Variants in CRHR2 observed in about 807,000 individuals in gnomAD.
CRHR2 encodes corticotropin releasing hormone receptor 2.
CRHR2 carries 53 observed loss-of-function variants against 57.9 expected under a neutral mutation model. That is an observed-to-expected ratio of 0.92 (90% CI 0.73 to 1.15). CRHR2 has a LOEUF of 1.15. CRHR2 is among the 50% of genes most tolerant of loss of function. The pLI, the probability that CRHR2 is intolerant of heterozygous loss-of-function variation, is 0.00. For missense variants in CRHR2, 532 were observed against 542.6 expected (o/e 0.98, Z 0.19); for synonymous variants, 213 against 220.9 (o/e 0.96, Z 0.32).
chr7:30,670,524 C>T (rs1269131967), intron 2 of CRHR2, among the ~76,000 whole-genome samples: 2 of 152,222 alleles, frequency 1.3e-5, no homozygotes, highest in African/African-American at 4.8e-5. Context: ...GGGGACTTCC[C>T]TCTCTGGCAG....
chr7:30,660,596 C>T lies in CRHR2; in HGVS notation c.808G>A (p.Gly270Ser). Residue 270 changes from glycine to serine, a missense_variant, in exon 8 of 12, where the codon GGC becomes AGC. Physicochemically the swap from Gly to Ser is moderately conservative, Grantham distance 56. Transcript: ENST00000471646. ...PGDLVDYIYQ[G>S]PIILVLLINF... is the part of the protein sequence containing the mutation. The stretch of plus-strand genomic sequence containing the variant: ...ACCAGGAGCACGAGAATGATGGGGC[C>T]TTGGTAGATGTAGTCCACCAGGTCG... The T allele has an allele frequency of 3.8e-6, 6 of 1,570,378 alleles. No individual in the cohort carries two copies. Among genetic ancestry groups the T allele is most frequent in the African/African-American group, 1.3e-5 (1 of 74,190 alleles).
upstream of CRHR2, chr7:30,686,584 A>T: frequency 7.0e-7 from 1 of 1,437,756 alleles, no homozygotes; most frequent in Non-Finnish European, 9.4e-7. Context: ...CAAGGTAGGC[A>T]GATTGCTTGA....
At chr7:30,673,308 C>A (rs1784421884) in intron 2 of CRHR2, among the ~76,000 whole-genome samples, 1 of 152,130 alleles carries the variant, frequency 6.6e-6, no homozygotes. Flanking sequence ...CTCCTATACT[C>A]AAGTGATCCT....
At chr7:30,675,953 C>T (rs917242808) in intron 2 of CRHR2, among the ~76,000 whole-genome samples, 6 of 152,162 alleles carry the variant, frequency 3.9e-5, no homozygotes, top group South Asian at 2.1e-4. Context: ...CTGAGCAAGA[C>T]GATCAGGTGG....
chr7:30,655,797 T>C, intron 9 of CRHR2, 82 bp from the exon 10 acceptor site: 1 of 1,589,456 alleles, frequency 6.3e-7, no homozygotes, highest in Middle Eastern at 1.8e-4. Flanking sequence ...ACAGTGGTGG[T>C]GTTTCTTCCG....
rs896804377 is a variant in CRHR2 at position 30,652,166 on chromosome 7, T to C, written c.*1294A>G. 6.6e-6 allele frequency: 1 copy of C among 152,260 alleles called. No homozygotes were observed. Among genetic ancestry groups the C allele is most frequent in the African/African-American group, 2.4e-5 (1 of 41,470 alleles). 9.4% of individuals were successfully genotyped at this position (152,260 alleles called of 1,614,324 possible). A position where few individuals can be genotyped will look rare whatever the true frequency, so the allele number is the denominator to read the frequency against. The stretch of plus-strand genomic sequence containing the variant: ...GGCCTGATGCTTCTCTCTCCCTGAC[T>C]CCTGCGGCTCCGCTGCAGGGACACA... On this transcript the variant is annotated 3_prime_UTR_variant, in exon 12 of 12. Coordinates refer to ENST00000471646, the MANE Select transcript of CRHR2 (RefSeq NM_001883.5). This position sits in a 1 kb window ranked among gnomAD's most constrained non-coding sequence, Gnocchi z 4.4.
At chr7:30,696,489 A>C (rs1282017682) in intron 1 of CRHR2, among the ~76,000 whole-genome samples, 1 of 152,224 alleles carries the variant, frequency 6.6e-6, no homozygotes. Flanking sequence ...TGGGAGGCCG[A>C]GGTGGGTGGA....
At chr7:30,674,183 G>A (rs1436352037) in intron 2 of CRHR2, among the ~76,000 whole-genome samples, 1 of 152,196 alleles carries the variant, frequency 6.6e-6, no homozygotes, top group Non-Finnish European at 1.5e-5. Context: ...GAGGCACTGA[G>A]CAGTTTAATG....
Position 30,681,810 on chromosome 7 carries a change from G to A in CRHR2, c.229+105C>T. 3 of 1,441,952 alleles carry A rather than the reference G, an allele frequency of 2.1e-6. No homozygotes were observed. In the South Asian group the frequency reaches 4.6e-5, roughly 22 times the overall value. 89.3% of individuals were successfully genotyped at this position (1,441,952 alleles called of 1,614,324 possible). Reference sequence around the variant, plus strand: ...AACGCCCGCGGTCCGCGGTACCGCGGCCGTCAGCAGCTTTGTACCGCTGGG... The same window carrying A: ...AACGCCCGCGGTCCGCGGTACCGCGACCGTCAGCAGCTTTGTACCGCTGGG... On this transcript the variant is annotated intron_variant, in intron 2 of 11. Transcript: ENST00000471646.
At chr7:30,694,743 G>C (rs989332016) in intron 1 of CRHR2, among the ~76,000 whole-genome samples, 2 of 151,474 alleles carry the variant, frequency 1.3e-5, no homozygotes, top group Non-Finnish European at 2.9e-5. Flanking sequence ...CTGCCCCTTA[G>C]GGAGCACAGA....
At chr7:30,679,657 G>A (rs1035054103) in intron 2 of CRHR2, among the ~76,000 whole-genome samples, 7 of 152,278 alleles carry the variant, frequency 4.6e-5, no homozygotes, top group African/African-American at 1.4e-4. Context: ...TGCGGGTTTG[G>A]CTATAGCATA....
chr7:30,678,411 A>G (rs1418277130), intron 2 of CRHR2, among the ~76,000 whole-genome samples: 1 of 152,244 alleles, frequency 6.6e-6, no homozygotes, highest in Non-Finnish European at 1.5e-5. Context: ...GCGCCAGCAC[A>G]GGTTGTGTAG....
chr7:30,699,867 C>A (rs1432015713), intron 1 of CRHR2: 1 of 1,237,526 alleles, frequency 8.1e-7, no homozygotes, highest in African/African-American at 1.6e-5. Flanking sequence ...CCCTGAGACC[C>A]CCGCCCCTAG....
intron 5 of CRHR2, among the ~76,000 whole-genome samples, chr7:30,664,245 C>T (rs182978389): frequency 2.2e-4 from 33 of 152,328 alleles, no homozygotes; most frequent in Admixed American, 1.0e-3. Flanking sequence ...TGTCGGTGTG[C>T]CACAGGGCTC....
chr7:30,671,195 T>C (rs575348028), intron 2 of CRHR2, among the ~76,000 whole-genome samples: 4 of 152,344 alleles, frequency 2.6e-5, no homozygotes, highest in East Asian at 3.9e-4. Context: ...TATGATGTTA[T>C]TGGCATCTCA....
chr7:30,697,437 C>CA lies in CRHR2; in HGVS notation c.-261+2506dup, dbSNP rs1785079090. ...TTTCCTGTCTGTAAATAAGTGGTCCCACCTTCCCGGTGTTTGAGTAAGGCG... is the reference window on the plus strand; with the variant it reads ...TTTCCTGTCTGTAAATAAGTGGTCCCAACCTTCCCGGTGTTTGAGTAAGGCG... On this transcript the variant is annotated intron_variant, in intron 1 of 13. Transcript: ENST00000341843. Among the ~76,000 whole-genome samples, 3 of 152,306 alleles carry CA rather than the reference C, an allele frequency of 2.0e-5. No individual in the cohort carries two copies. The East Asian group carries it at 5.8e-4, about 29-fold the overall frequency.
chr7:30,678,854 C>G (rs976426679), intron 2 of CRHR2, among the ~76,000 whole-genome samples: 1 of 152,166 alleles, frequency 6.6e-6, no homozygotes, highest in South Asian at 2.1e-4. Flanking sequence ...TTACAGCCTG[C>G]GGTCTACCTG....
At chr7:30,681,046 C>A (rs1784689159) in intron 2 of CRHR2, among the ~76,000 whole-genome samples, 1 of 152,132 alleles carries the variant, frequency 6.6e-6, no homozygotes, top group South Asian at 2.1e-4. Flanking sequence ...CCGCAGACCA[C>A]ACACCTGGCT....
intron 2 of CRHR2, among the ~76,000 whole-genome samples, chr7:30,688,265 C>A (rs979699084): frequency 1.3e-5 from 2 of 152,164 alleles, no homozygotes; most frequent in African/African-American, 4.8e-5. Flanking sequence ...CAACCCTGCC[C>A]ACAGCTTGAT....
Sources: allele counts gnomAD v4.1 joint callset (sites outside exome capture counted in the v4.1 genomes callset), GRCh38; gene constraint gnomAD v4.1.1; non-coding constraint Gnocchi (gnomAD v3.1); transcripts MANE v1.5; gene names NCBI Gene and HGNC (gene_info 2026-07-23, HGNC 2026-07-21).